Variants in ADGRB3 observed in about 807,000 individuals in gnomAD.
ADGRB3 encodes adhesion G protein-coupled receptor B3.
In ADGRB3, 37 loss-of-function variants were observed where a neutral mutation model predicts 193.4. That is an observed-to-expected ratio of 0.19 (90% CI 0.15 to 0.25). The LOEUF (loss-of-function observed/expected upper bound fraction) is 0.25, where lower values mean the gene tolerates loss of function less well. Ranked by LOEUF, ADGRB3 falls within the 10% of genes least tolerant of loss-of-function variation. The pLI, the probability that ADGRB3 is intolerant of heterozygous loss-of-function variation, is 1.00. For missense variants in ADGRB3, 1,637 were observed against 1,852.9 expected (o/e 0.88, Z 2.14); for synonymous variants, 690 against 644.2 (o/e 1.07, Z -1.08).
intron 10 of ADGRB3, among the ~76,000 whole-genome samples, chr6:68,976,434 G>GTCCC (rs1209640334): frequency 6.6e-6 from 1 of 151,900 alleles, no homozygotes. Flanking sequence ...ATATACAGTT[G>GTCCC]ACCCTTGAAT....
At position 69,218,654 on chromosome 6, in the gene ADGRB3, G is replaced by T. The variant is rs532606887; in HGVS notation, c.2481-14636G>T. Among the ~76,000 whole-genome samples the T allele has an allele frequency of 4.7e-4, 71 of 152,216 alleles. 1 individual carries two copies. Among genetic ancestry groups the T allele is most frequent in the Middle Eastern group, 3.4e-3 (1 of 294 alleles). On this transcript the variant is annotated intron_variant, in intron 17 of 31. Transcript: ENST00000370598. ...TTCTTTGTGCTTGACTTTCTATAGAGAATCTGTTTGTTTTTATAGGAGGCT... is the reference window on the plus strand; with the variant it reads ...TTCTTTGTGCTTGACTTTCTATAGATAATCTGTTTGTTTTTATAGGAGGCT...
intron 20 of ADGRB3, among the ~76,000 whole-genome samples, chr6:69,289,542 C>T (rs1327298963): frequency 6.6e-6 from 1 of 152,270 alleles, no homozygotes; most frequent in East Asian, 1.9e-4. Flanking sequence ...CCTATTTCAC[C>T]TCCAGCCCAC....
chr6:68,994,180 T>C (rs540253612), intron 11 of ADGRB3, among the ~76,000 whole-genome samples: 3 of 152,222 alleles, frequency 2.0e-5, no homozygotes, highest in African/African-American at 7.2e-5. Flanking sequence ...CTCAAGGAGA[T>C]ACTGAATGAG....
rs183346930 is a variant in ADGRB3 at position 69,273,143 on chromosome 6, C to T, written c.2814+33917C>T. Among the ~76,000 whole-genome samples, 27 of 152,240 alleles carry T rather than the reference C, an allele frequency of 1.8e-4. No individual in the cohort carries two copies. In the East Asian group the frequency reaches 2.3e-3, roughly 13 times the overall value. The stretch of plus-strand genomic sequence containing the variant: ...CTTGAACTCCTGACCTGAGGTGATC[C>T]GCCCGCCTTGGCCTCCCAAAGTGCT... On this transcript the variant is annotated intron_variant, in intron 20 of 31. Coordinates refer to ENST00000370598, the MANE Select transcript of ADGRB3 (RefSeq NM_001704.3).
intron 28 of ADGRB3, among the ~76,000 whole-genome samples, chr6:69,358,990 T>C (rs559435914): frequency 1.4e-4 from 22 of 151,826 alleles, no homozygotes; most frequent in African/African-American, 5.1e-4. Context: ...TGGCTATAAT[T>C]ATAAATCATA....
At chr6:69,221,672 G>C (rs1187183364) in intron 17 of ADGRB3, among the ~76,000 whole-genome samples, 1 of 152,064 alleles carries the variant, frequency 6.6e-6, no homozygotes, top group East Asian at 1.9e-4. Flanking sequence ...TACTAGTTTT[G>C]TGGAATTTCG....
intron 17 of ADGRB3, among the ~76,000 whole-genome samples, chr6:69,132,878 C>A (rs181244929): frequency 8.5e-5 from 13 of 152,062 alleles, no homozygotes. Context: ...TTTATTAAAT[C>A]GGGAATCCTT....
rs768335457 is a variant in ADGRB3, at chr6:69,048,190, A to T, written c.2113A>T (p.Ser705Cys). The change falls in exon 14 of 32, where the codon AGT becomes TGT. Residue 705 changes from serine (S) to cysteine (C), a missense_variant. Ser to Cys is a moderately radical substitution (Grantham distance 112, BLOSUM62 -1). Around this residue, in one of 7 missense-constraint regions of ADGRB3, gnomAD observed 641 missense variants for 673.9 expected, o/e 0.95. Transcript: ENST00000370598. ...SYLMTGNVVASIQKLPAASVL... is the reference protein window; with the variant it reads ...SYLMTGNVVACIQKLPAASVL... ...TATTATTTCTTTTTTAATAGTGGCT[A>T]GTATTCAGAAGCTTCCTGCAGCCTC... 6.2e-7 allele frequency: 1 copy of T among 1,609,788 alleles called. No individual in the cohort carries two copies. The highest frequency in any genetic ancestry group is 1.1e-5 in the South Asian group (1 of 89,934).
At chr6:68,769,824 A>AATAATAG (rs1294816562) in intron 3 of ADGRB3, among the ~76,000 whole-genome samples, 1 of 152,164 alleles carries the variant, frequency 6.6e-6, no homozygotes, top group Non-Finnish European at 1.5e-5. Context: ...TTTTTCAAAA[A>AATAATAG]ATAATAGATA....
At chr6:68,799,106 G>C (rs1027637463) in intron 3 of ADGRB3, among the ~76,000 whole-genome samples, 4 of 152,098 alleles carry the variant, frequency 2.6e-5, no homozygotes, top group Non-Finnish European at 5.9e-5. Context: ...TTGGTGAATA[G>C]AGGGAGGGGA....
chr6:68,907,501 T>A (rs1766581011), intron 3 of ADGRB3, among the ~76,000 whole-genome samples: 1 of 151,950 alleles, frequency 6.6e-6, no homozygotes, highest in African/African-American at 2.4e-5. Flanking sequence ...ATCACTAAAT[T>A]TGATAGAACT....
chr6:69,180,537 G>A (rs1448242123), intron 17 of ADGRB3, among the ~76,000 whole-genome samples: 1 of 152,186 alleles, frequency 6.6e-6, no homozygotes, highest in Non-Finnish European at 1.5e-5. Context: ...CTGGAGATCT[G>A]CCTAGGAATG....
chr6:69,335,565 G>T (rs974767306), intron 24 of ADGRB3, among the ~76,000 whole-genome samples: 2 of 152,076 alleles, frequency 1.3e-5, no homozygotes, highest in African/African-American at 4.8e-5. Flanking sequence ...ATTGAAATTT[G>T]TACTCCATTC....
chr6:68,971,292 A>G (rs1232353960), intron 8 of ADGRB3, among the ~76,000 whole-genome samples: 2 of 152,216 alleles, frequency 1.3e-5, no homozygotes, highest in Non-Finnish European at 2.9e-5. Context: ...AATATTATAA[A>G]TAGTATATAG....
At chr6:69,337,990 T>A (rs1032460131) in intron 24 of ADGRB3, among the ~76,000 whole-genome samples, 1 of 152,214 alleles carries the variant, frequency 6.6e-6, no homozygotes, top group Non-Finnish European at 1.5e-5. Flanking sequence ...TGTTTGGAAT[T>A]TTTAATTCAA....
intron 20 of ADGRB3, among the ~76,000 whole-genome samples, chr6:69,295,197 A>G (rs1434501578): frequency 1.3e-5 from 2 of 152,184 alleles, no homozygotes; most frequent in East Asian, 1.9e-4. Flanking sequence ...CATATCTAAT[A>G]TATAAATAAC....
intron 26 of ADGRB3, among the ~76,000 whole-genome samples, chr6:69,352,053 A>G (rs1307324753): frequency 6.6e-6 from 1 of 152,174 alleles, no homozygotes; most frequent in African/African-American, 2.4e-5. Flanking sequence ...GCAAACAGAA[A>G]GTTAATATGT....
At chr6:68,823,968 T>G (rs1486167416) in intron 3 of ADGRB3, among the ~76,000 whole-genome samples, 1 of 152,158 alleles carries the variant, frequency 6.6e-6, no homozygotes, top group Non-Finnish European at 1.5e-5. Context: ...CTTCAACAAT[T>G]TTTAACATTG....
At chr6:69,103,312 A>C (rs375652336) in intron 17 of ADGRB3, among the ~76,000 whole-genome samples, 3 of 152,302 alleles carry the variant, frequency 2.0e-5, no homozygotes, top group East Asian at 3.9e-4. Context: ...ATGAAATACC[A>C]TGTCAATATA....
Sources: gnomAD v4.1 joint callset for allele counts (sites outside exome capture counted in the v4.1 genomes callset) on GRCh38, gnomAD v4.1.1 for gene constraint, gnomAD v4.1.1 regional missense constraint, MANE v1.5 for transcripts, NCBI Gene and HGNC (gene_info 2026-07-23, HGNC 2026-07-21) for gene names.